MAML3: variants seen among roughly 807,000 people sequenced by gnomAD.
MAML3 encodes the protein mastermind like transcriptional coactivator 3.
Under a neutral mutation model 101.9 loss-of-function variants are expected in MAML3, and 27 were observed. That is an observed-to-expected ratio of 0.27 (90% CI 0.20 to 0.37). MAML3 has a LOEUF of 0.37. MAML3 is among the 10% of genes least tolerant of loss of function. MAML3 has a pLI of 1.00. For synonymous variants in MAML3, 501 were observed against 555.9 expected, an observed-to-expected ratio of 0.90 and a Z score of 1.39; for missense variants, 1,316 against 1,444.9, an observed-to-expected ratio of 0.91 and a Z score of 1.45.
chr4:139,817,178 G>A (rs989079128), intron 2 of MAML3, among the ~76,000 whole-genome samples: 1 of 152,190 alleles, frequency 6.6e-6, no homozygotes, highest in Non-Finnish European at 1.5e-5. Flanking sequence ...CTCTTCTGTT[G>A]TTCAAATGCT....
intron 2 of MAML3, among the ~76,000 whole-genome samples, chr4:139,821,444 A>G (rs1051845193): frequency 6.6e-6 from 1 of 152,174 alleles, no homozygotes; most frequent in African/African-American, 2.4e-5. Context: ...ATGCCTAATG[A>G]TCTGAGGTGG....
chr4:139,781,788 T>C (rs565713364), intron 2 of MAML3, among the ~76,000 whole-genome samples: 1 of 152,250 alleles, frequency 6.6e-6, no homozygotes, highest in South Asian at 2.1e-4. Flanking sequence ...GGTGATGCTG[T>C]TACTCCTTAA....
intron 2 of MAML3, among the ~76,000 whole-genome samples, chr4:139,880,854 T>TC (rs1732204732): frequency 6.6e-6 from 1 of 152,168 alleles, no homozygotes. Context: ...AATCTTGGCT[T>TC]CCTCCGATGC....
chr4:139,797,120 C>A (rs767585657), intron 2 of MAML3, among the ~76,000 whole-genome samples: 1 of 152,142 alleles, frequency 6.6e-6, no homozygotes, highest in Non-Finnish European at 1.5e-5. Flanking sequence ...TTTGTTCTTA[C>A]AATTGAACAA....
intron 1 of MAML3, among the ~76,000 whole-genome samples, chr4:139,982,234 T>C (rs1255090612): frequency 6.6e-6 from 1 of 152,210 alleles, no homozygotes; most frequent in African/African-American, 2.4e-5. Flanking sequence ...CCATGCTACT[T>C]TATTTATTTT....
chr4:139,946,007 A>G (rs746310714), intron 1 of MAML3, among the ~76,000 whole-genome samples: 1 of 152,256 alleles, frequency 6.6e-6, no homozygotes, highest in Non-Finnish European at 1.5e-5. Context: ...AGCACCAGAC[A>G]TCTAATGAGA....
intron 1 of MAML3, among the ~76,000 whole-genome samples, chr4:140,064,518 T>C (rs1422718613): frequency 6.6e-6 from 1 of 152,224 alleles, no homozygotes; most frequent in East Asian, 1.9e-4. Context: ...AGAGGGTGGC[T>C]TTCTGCTTTT....
intron 1 of MAML3, among the ~76,000 whole-genome samples, chr4:139,911,115 G>A (rs373316765): frequency 1.3e-5 from 2 of 151,946 alleles, no homozygotes; most frequent in East Asian, 1.9e-4. Context: ...ACTACTCTAC[G>A]TACCTCACAT....
At chr4:139,773,386 A>T (rs1404754730) in intron 2 of MAML3, among the ~76,000 whole-genome samples, 1 of 152,204 alleles carries the variant, frequency 6.6e-6, no homozygotes, top group African/African-American at 2.4e-5. Context: ...CAGGTTCTTC[A>T]ACTGCAAAAG....
chr4:139,941,417 A>C (rs1451999561), intron 1 of MAML3, among the ~76,000 whole-genome samples: 1 of 152,238 alleles, frequency 6.6e-6, no homozygotes, highest in Admixed American at 6.5e-5. Flanking sequence ...CTTTAGTTAC[A>C]TAGCTTTCAA....
At chr4:140,086,690 T>C (rs1325373183) in intron 1 of MAML3, among the ~76,000 whole-genome samples, 1 of 152,080 alleles carries the variant, frequency 6.6e-6, no homozygotes, top group Admixed American at 6.5e-5. Context: ...ACTGAACCAC[T>C]TAAAGGTGGG....
At chr4:140,030,480 C>T (rs563087202) in intron 1 of MAML3, among the ~76,000 whole-genome samples, 2 of 152,204 alleles carry the variant, frequency 1.3e-5, no homozygotes, top group East Asian at 1.9e-4. Flanking sequence ...AAGGGCCAGG[C>T]TCCAAACAGC....
intron 1 of MAML3, among the ~76,000 whole-genome samples, chr4:139,980,889 T>C (rs1734431966): frequency 6.6e-6 from 1 of 152,196 alleles, no homozygotes; most frequent in South Asian, 2.1e-4. Flanking sequence ...CGGTAGAGAA[T>C]TGTGTAGCCA....
In MAML3 at chr4:139,916,902, C is replaced by T. The variant is rs1225936065; in HGVS notation, c.469-25935G>A. Among the ~76,000 whole-genome samples, 3 of 152,090 alleles carry T rather than the reference C, an allele frequency of 2.0e-5. No homozygotes were observed. In the East Asian group the frequency reaches 5.8e-4, roughly 29 times the overall value. ...GATTTTCAAGTGGGCGTTCTTTAAC[C>T]TCCCGTACAATACCATAATAAAATA... On this transcript the variant is annotated intron_variant, in intron 1 of 4. Coordinates refer to ENST00000509479, the MANE Select transcript of MAML3 (RefSeq NM_018717.5).
intron 1 of MAML3, among the ~76,000 whole-genome samples, chr4:140,135,201 A>G (rs1728863718): frequency 6.6e-6 from 1 of 152,234 alleles, no homozygotes; most frequent in Non-Finnish European, 1.5e-5. Flanking sequence ...CATGCTCAGC[A>G]AAAGGCCTAT....
Position 139,917,855 on chromosome 4 carries a change from C to T in MAML3, c.469-26888G>A, listed in dbSNP as rs115127905. ...TATGATTCCTTCTAATTCCATGATCCGTCTATTAAGGTTTTATATCTCTTA... is the reference window on the plus strand; with the variant it reads ...TATGATTCCTTCTAATTCCATGATCTGTCTATTAAGGTTTTATATCTCTTA... On this transcript the variant is annotated intron_variant, in intron 1 of 4. Transcript: ENST00000509479. Among the ~76,000 whole-genome samples the T allele has an allele frequency of 1.5e-3, 233 of 152,182 alleles. 3 individuals carry two copies. Among genetic ancestry groups the T allele is most frequent in the African/African-American group, 5.3e-3 (219 of 41,520 alleles).
At chr4:140,013,905 G>T (rs1330624424) in intron 1 of MAML3, among the ~76,000 whole-genome samples, 1 of 152,312 alleles carries the variant, frequency 6.6e-6, no homozygotes, top group South Asian at 2.1e-4. Flanking sequence ...ATAAATGATG[G>T]TGCTGAGATT....
chr4:139,893,837 G>A (rs919767171), intron 1 of MAML3, among the ~76,000 whole-genome samples: 1 of 152,122 alleles, frequency 6.6e-6, no homozygotes, highest in African/African-American at 2.4e-5. Context: ...AGTGCATGTG[G>A]CCGTGGTGAA....
chr4:139,775,979 G>A (rs879482274), intron 2 of MAML3, among the ~76,000 whole-genome samples: 1 of 152,148 alleles, frequency 6.6e-6, no homozygotes, highest in Non-Finnish European at 1.5e-5. Context: ...ATAATAATAA[G>A]ATAAGCTCTG....
Sources: allele counts gnomAD v4.1 joint callset (sites outside exome capture counted in the v4.1 genomes callset), GRCh38; gene constraint gnomAD v4.1.1; transcripts MANE v1.5; gene names NCBI Gene and HGNC (gene_info 2026-07-23, HGNC 2026-07-21).